Variants in CNTN3 observed in about 807,000 individuals in gnomAD.
The protein encoded by CNTN3 is contactin-3.
CNTN3 carries 60 observed loss-of-function variants against 119.1 expected under a neutral mutation model. The ratio of observed to expected loss-of-function variants is 0.50; its 90% CI spans 0.41 to 0.62. The LOEUF is 0.62. Among genes scored for constraint, CNTN3 ranks in the 20% least tolerant of loss-of-function variants. The pLI, the probability that CNTN3 is intolerant of heterozygous loss-of-function variation, is 0.00. For synonymous variants in CNTN3, 450 were observed against 438.7 expected (o/e 1.03, Z -0.32); for missense variants, 1,101 against 1,242.4 (o/e 0.89, Z 1.71).
At chr3:74,440,566 T>C (rs1701946738) in intron 4 of CNTN3, among the ~76,000 whole-genome samples, 1 of 152,082 alleles carries the variant, frequency 6.6e-6, no homozygotes, top group African/African-American at 2.4e-5. Flanking sequence ...TATCCATAGG[T>C]TCCCCATTGG....
intron 1 of CNTN3, among the ~76,000 whole-genome samples, chr3:74,556,230 T>C (rs548049167): frequency 6.6e-6 from 1 of 152,304 alleles, no homozygotes; most frequent in Admixed American, 6.5e-5. Flanking sequence ...TGTGTCACCA[T>C]CATCACTATC....
chr3:74,553,546 C>T (rs570492419), intron 1 of CNTN3, among the ~76,000 whole-genome samples: 10 of 152,272 alleles, frequency 6.6e-5, no homozygotes, highest in African/African-American at 2.2e-4. Context: ...ATTTACACTC[C>T]CACCAACAGT....
intron 4 of CNTN3, among the ~76,000 whole-genome samples, chr3:74,447,079 G>A (rs1702062688): frequency 6.6e-6 from 1 of 152,174 alleles, no homozygotes; most frequent in African/African-American, 2.4e-5. Context: ...TGTGGTAAAT[G>A]AGGAGCGCCT....
chr3:74,487,321 G>A (rs1238924855), intron 3 of CNTN3, among the ~76,000 whole-genome samples: 1 of 152,030 alleles, frequency 6.6e-6, no homozygotes, highest in African/African-American at 2.4e-5. Flanking sequence ...TAAACAGTAA[G>A]TATGCTTGAC....
At chr3:74,473,275 C>A (rs1037833031) in intron 4 of CNTN3, among the ~76,000 whole-genome samples, 1 of 151,698 alleles carries the variant, frequency 6.6e-6, no homozygotes. Context: ...AGGGGGTAGA[C>A]TCCTTCGTAA....
rs529237915 is a variant in CNTN3, at chr3:74,549,334, A to T, written c.-80-28142T>A. ...AGTTTCCTGAGGCCTCCCCATAAGC[A>T]GAAGCCTGTACAGCCCACAGAACTG... On this transcript the variant is annotated intron_variant, in intron 1 of 22. Coordinates refer to ENST00000263665, the MANE Select transcript of CNTN3 (RefSeq NM_020872.3). 5.9e-5 allele frequency among the ~76,000 whole-genome samples: 9 copies of T among 152,276 alleles called. No individual in the cohort carries two copies. In the South Asian group the frequency reaches 1.9e-3, roughly 32 times the overall value.
chr3:74,464,578 A>T (rs186907820), intron 4 of CNTN3, among the ~76,000 whole-genome samples: 1 of 152,168 alleles, frequency 6.6e-6, no homozygotes, highest in Non-Finnish European at 1.5e-5. Context: ...ATTAGTCACA[A>T]ATATTTAATT....
chr3:74,279,734 A>C (rs1701960430), intron 20 of CNTN3, among the ~76,000 whole-genome samples: 1 of 152,134 alleles, frequency 6.6e-6, no homozygotes, highest in Admixed American at 6.5e-5. Flanking sequence ...ACAAATCACC[A>C]CTAAAAAACT....
At chr3:74,313,955 G>A (rs1386699408) in intron 13 of CNTN3, among the ~76,000 whole-genome samples, 1 of 152,108 alleles carries the variant, frequency 6.6e-6, no homozygotes, top group African/African-American at 2.4e-5. Context: ...TGTGGAGATG[G>A]CCAAGCAGTA....
intron 4 of CNTN3, among the ~76,000 whole-genome samples, chr3:74,429,855 CA>C (rs1236152886): frequency 2.6e-5 from 4 of 152,042 alleles, no homozygotes; most frequent in African/African-American, 9.7e-5. Flanking sequence ...AGAGGAAAAA[CA>C]GATGGAAAAT....
intron 9 of CNTN3, 120 bp downstream of exon 9, chr3:74,365,446 G>A (rs1295423621): frequency 7.8e-7 from 1 of 1,274,342 alleles, no homozygotes; most frequent in African/African-American, 1.5e-5. Context: ...AAAGGAAAGT[G>A]TGCAAACTCA....
At chr3:74,564,982 T>A (rs1358674711) in intron 1 of CNTN3, among the ~76,000 whole-genome samples, 1 of 152,140 alleles carries the variant, frequency 6.6e-6, no homozygotes, top group East Asian at 1.9e-4. Context: ...GAGCCATGGA[T>A]CTAGGTTCCT....
chr3:74,462,025 C>T (rs1702379627), intron 4 of CNTN3, among the ~76,000 whole-genome samples: 6 of 151,990 alleles, frequency 3.9e-5, no homozygotes, highest in Non-Finnish European at 7.4e-5. Context: ...GGATCGATCC[C>T]TCATGAATAG....
chr3:74,560,411 C>T (rs1431241976), intron 1 of CNTN3, among the ~76,000 whole-genome samples: 1 of 152,044 alleles, frequency 6.6e-6, no homozygotes, highest in Non-Finnish European at 1.5e-5. Flanking sequence ...TTACAAATGC[C>T]TTAAGAGTTT....
At chr3:74,402,432 C>T (rs1402464432) in intron 5 of CNTN3, among the ~76,000 whole-genome samples, 2 of 152,116 alleles carry the variant, frequency 1.3e-5, no homozygotes, top group Non-Finnish European at 2.9e-5. Context: ...AGAAGCATTC[C>T]TTTTTCTTCT....
chr3:74,331,995 A>G (rs1703275194), intron 13 of CNTN3, among the ~76,000 whole-genome samples: 2 of 152,194 alleles, frequency 1.3e-5, no homozygotes, highest in African/African-American at 4.8e-5. Flanking sequence ...CATAGTTCCA[A>G]TAATTGGCTG....
At chr3:74,285,641 G>T (rs989406055) in intron 19 of CNTN3, 150 bp from the exon 20 acceptor site, 4 of 699,874 alleles carry the variant, frequency 5.7e-6, no homozygotes, top group Non-Finnish European at 9.2e-6. Flanking sequence ...TGCTGCATTA[G>T]GCTGTGTGTC....
intron 1 of CNTN3, among the ~76,000 whole-genome samples, chr3:74,585,847 C>G (rs527776518): frequency 9.9e-5 from 15 of 152,186 alleles, no homozygotes; most frequent in African/African-American, 3.4e-4. Context: ...CTATTCATGT[C>G]CATTTATGAC....
chr3:74,464,635 G>GA (rs952893660), intron 4 of CNTN3, among the ~76,000 whole-genome samples: 19 of 151,978 alleles, frequency 1.3e-4, no homozygotes, highest in Non-Finnish European at 2.2e-4. Context: ...TGACTACACA[G>GA]AAAAAAAATC....
Sources: allele counts gnomAD v4.1 joint callset (sites outside exome capture counted in the v4.1 genomes callset), GRCh38; gene constraint gnomAD v4.1.1; transcripts MANE v1.5; gene names NCBI Gene and HGNC (gene_info 2026-07-23, HGNC 2026-07-21).